The following CRHBP variants were observed in gnomAD, a reference collection of about 807,000 sequenced individuals.
The protein encoded by CRHBP is corticotropin-releasing hormone-binding protein.
Under a neutral mutation model 34.9 loss-of-function variants are expected in CRHBP, and 19 were observed. The ratio of observed to expected loss-of-function variants is 0.55; its 90% CI spans 0.38 to 0.80. CRHBP has a LOEUF of 0.80. CRHBP is among the 30% of genes least tolerant of loss of function. The pLI, the probability that CRHBP is intolerant of heterozygous loss-of-function variation, is 0.00. For synonymous variants in CRHBP, 154 were observed against 153.4 expected (o/e 1.00, Z -0.03); for missense variants, 328 against 409.2 (o/e 0.80, Z 1.71).
chr5:76,969,678 G>A (rs1212148594), downstream of CRHBP, among the ~76,000 whole-genome samples: 3 of 152,214 alleles, frequency 2.0e-5, no homozygotes, highest in Non-Finnish European at 4.4e-5. Flanking sequence ...GTCCTGGCAG[G>A]GAAGCGGGTG....
At chr5:76,955,186 A>G (rs895524301) in intron 3 of CRHBP, among the ~76,000 whole-genome samples, 2 of 152,226 alleles carry the variant, frequency 1.3e-5, no homozygotes, top group Middle Eastern at 3.2e-3. Context: ...GGGTGTATAT[A>G]GTCATTAGCA....
chr5:76,963,307 T>A, intron 5 of CRHBP, 36 bp from the exon 6 acceptor site: 1 of 1,586,502 alleles, frequency 6.3e-7, no homozygotes, highest in Non-Finnish European at 8.7e-7. Context: ...TGTAATTGGT[T>A]TAAATGTGTC....
intron 2 of CRHBP, 91 bp from the exon 3 acceptor site, chr5:76,953,938 C>A: frequency 6.8e-7 from 1 of 1,477,152 alleles, no homozygotes; most frequent in Non-Finnish European, 9.1e-7. Flanking sequence ...CTACAGAGCC[C>A]GGGAATGGGG....
intron 3 of CRHBP, chr5:76,980,951 C>G (rs1055561640): frequency 1.3e-5 from 2 of 151,884 alleles, no homozygotes; most frequent in Admixed American, 6.6e-5. Context: ...TTTTTTCTTT[C>G]TCTGCACAGT....
chr5:76,953,510 T>C (rs1444785573), intron 1 of CRHBP, 91 bp from the exon 2 acceptor site: 2 of 1,246,492 alleles, frequency 1.6e-6, no homozygotes, highest in South Asian at 1.3e-5. Flanking sequence ...TTATTCGCTA[T>C]GCTGAGTGGC....
At position 76,968,896 on chromosome 5, in the gene CRHBP, C is replaced by A. The variant is rs966415593; in HGVS notation, c.*11C>A. On this transcript the variant is annotated 3_prime_UTR_variant, in exon 7 of 7. Transcript: ENST00000274368. ...TTGTCTGGTCTTTGAATAACCAACC[C>A]AGTGATTTACATGCTGATAGCTAAG... The A allele has an allele frequency of 1.2e-6, 2 of 1,610,350 alleles. No homozygotes were observed. Among genetic ancestry groups the A allele is most frequent in the African/African-American group, 2.7e-5 (2 of 74,824 alleles).
chr5:76,964,842 C>T (rs1004726970), intron 6 of CRHBP, among the ~76,000 whole-genome samples: 5 of 151,838 alleles, frequency 3.3e-5, no homozygotes, highest in South Asian at 2.1e-4. Context: ...GATGACAGAG[C>T]GAGACTAGAC....
At chr5:76,959,285 A>T (rs1745740509) in intron 5 of CRHBP, among the ~76,000 whole-genome samples, 2 of 152,242 alleles carry the variant, frequency 1.3e-5, no homozygotes, top group South Asian at 4.1e-4. Flanking sequence ...TTTGACATGA[A>T]GGAAGTATCT....
At chr5:76,964,669 AT>A (rs1453455688) in intron 6 of CRHBP, among the ~76,000 whole-genome samples, 4 of 152,168 alleles carry the variant, frequency 2.6e-5, no homozygotes, top group African/African-American at 9.7e-5. Flanking sequence ...CGTGGCCAAT[AT>A]GGTGAAACCC....
At chr5:76,979,304 G>C (rs1470560759) in intron 3 of CRHBP, among the ~76,000 whole-genome samples, 1 of 151,972 alleles carries the variant, frequency 6.6e-6, no homozygotes, top group Non-Finnish European at 1.5e-5. Context: ...ATCTGTCTCA[G>C]CCTCCCAAAG....
intron 3 of CRHBP, among the ~76,000 whole-genome samples, chr5:76,978,172 A>G (rs996124599): frequency 6.6e-6 from 1 of 152,212 alleles, no homozygotes; most frequent in Non-Finnish European, 1.5e-5. Flanking sequence ...TGAAGCAGCA[A>G]GTGCTGATGT....
chr5:76,961,278 G>T (rs1341358438), intron 5 of CRHBP, among the ~76,000 whole-genome samples: 1 of 152,110 alleles, frequency 6.6e-6, no homozygotes, highest in Non-Finnish European at 1.5e-5. Flanking sequence ...TAACTTTCTT[G>T]TTTCTTTGTT....
At chr5:76,955,336 A>G (rs996852383) in intron 3 of CRHBP, among the ~76,000 whole-genome samples, 3 of 152,258 alleles carry the variant, frequency 2.0e-5, no homozygotes, top group African/African-American at 7.2e-5. Context: ...GGTGAGAGGT[A>G]GAAAATATGA....
At position 76,954,204 on chromosome 5, in the gene CRHBP, A is replaced by T; in HGVS notation, c.333+18A>T. On this transcript the variant is annotated intron_variant, in intron 3 of 6. Transcript: ENST00000274368. ...TCCTGAAGGTGAGGCGCCCACGGCC[A>T]GCCAACCTAGCCGGAGGGCGGCACG... 1 of 1,608,094 alleles carries T rather than the reference A, an allele frequency of 6.2e-7. No homozygotes were observed. The highest frequency in any genetic ancestry group is 8.5e-7 in the Non-Finnish European group (1 of 1,176,792).
chr5:76,961,678 C>T (rs1305680608), intron 5 of CRHBP, among the ~76,000 whole-genome samples: 1 of 152,118 alleles, frequency 6.6e-6, no homozygotes, highest in Non-Finnish European at 1.5e-5. Context: ...AAGCAGTTGC[C>T]ATTATGTTAT....
At chr5:76,973,659 T>C (rs577800023), downstream of CRHBP, among the ~76,000 whole-genome samples, 1 of 152,344 alleles carries the variant, frequency 6.6e-6, no homozygotes, top group East Asian at 1.9e-4. Flanking sequence ...TCTGCTTCTA[T>C]ATTTATTTAA....
chr5:76,955,274 AAG>A (rs1360113008), intron 3 of CRHBP, among the ~76,000 whole-genome samples: 5 of 152,220 alleles, frequency 3.3e-5, no homozygotes, highest in East Asian at 1.9e-4. Context: ...GACTAGAGGA[AAG>A]AGAGAAGCTG....
chr5:76,954,255 T>C, intron 3 of CRHBP, 69 bp downstream of exon 3: 1 of 1,538,150 alleles, frequency 6.5e-7, no homozygotes, highest in Non-Finnish European at 8.8e-7. Flanking sequence ...GCTGGGGCGC[T>C]GCACCCAGCG....
At chr5:76,966,320 G>A (rs1745860284) in intron 6 of CRHBP, among the ~76,000 whole-genome samples, 1 of 152,060 alleles carries the variant, frequency 6.6e-6, no homozygotes, top group South Asian at 2.1e-4. Context: ...TCCTTTTGAG[G>A]TTCCTATCAA....
Sources: gnomAD v4.1 joint callset for allele counts (sites outside exome capture counted in the v4.1 genomes callset) on GRCh38, gnomAD v4.1.1 for gene constraint, MANE v1.5 for transcripts, NCBI Gene and HGNC (gene_info 2026-07-23, HGNC 2026-07-21) for gene names.